The following JMJD1C variants were observed in gnomAD, a reference collection of about 807,000 sequenced individuals.
The protein encoded by JMJD1C is jumonji domain containing 1C.
In JMJD1C, 31 loss-of-function variants were observed where a neutral mutation model predicts 245.3. The observed-to-expected ratio is 0.13, with a 90% CI of 0.09 to 0.17. The LOEUF is 0.17. JMJD1C is among the 10% of genes least tolerant of loss of function. The probability of loss-of-function intolerance (pLI) is 1.00; values close to 1 mark genes in which losing one functional copy is unlikely to be tolerated. For missense variants in JMJD1C, 2,691 were observed against 3,000.2 expected, an observed-to-expected ratio of 0.90 and a Z score of 2.41; for synonymous variants, 1,057 against 1,017.4, an observed-to-expected ratio of 1.04 and a Z score of -0.74.
At chr10:63,427,429 A>C in intron 1 of JMJD1C, 5 of 1,132,110 alleles carry the variant, frequency 4.4e-6, no homozygotes, top group Non-Finnish European at 6.5e-6. Flanking sequence ...CCGGGAGGTG[A>C]CTGCTGACCA....
chr10:63,518,292 T>C (rs1955087539), intron 1 of JMJD1C, among the ~76,000 whole-genome samples: 1 of 152,236 alleles, frequency 6.6e-6, no homozygotes, highest in Admixed American at 6.5e-5. Context: ...AGATTCAATG[T>C]GCCCCTTGCA....
intron 3 of JMJD1C, among the ~76,000 whole-genome samples, chr10:63,253,215 T>C (rs1564687612): frequency 2.0e-5 from 3 of 152,250 alleles, no homozygotes; most frequent in East Asian, 3.9e-4. Context: ...GACAGATATA[T>C]AGACCAAGGG....
intron 2 of JMJD1C, among the ~76,000 whole-genome samples, chr10:63,346,784 T>C (rs2134259433): frequency 1.3e-5 from 2 of 152,338 alleles, no homozygotes; most frequent in Middle Eastern, 3.4e-3. Context: ...TATTGGTCTA[T>C]CTACTTGGCT....
At position 63,209,050 on chromosome 10, in the gene JMJD1C, C is replaced by G. The variant is rs569189225; in HGVS notation, c.2867+13G>C. Reference sequence around the variant, plus strand: ...ACAAGGTATTTATAATTTTTAAGCACTGGTGAACTTACTCCTTATGATGAT... The same window carrying G: ...ACAAGGTATTTATAATTTTTAAGCAGTGGTGAACTTACTCCTTATGATGAT... On this transcript the variant is annotated intron_variant, in intron 9 of 25. Coordinates refer to ENST00000399262, the MANE Select transcript of JMJD1C (RefSeq NM_032776.3). The G allele has an allele frequency of 1.3e-6, 2 of 1,593,952 alleles. No homozygotes were observed. Among genetic ancestry groups the G allele is most frequent in the East Asian group, 2.2e-5 (1 of 44,678 alleles).
In JMJD1C at chr10:63,271,886, C is replaced by T. The variant is rs561648262; in HGVS notation, c.334-7122G>A. 7.9e-5 allele frequency among the ~76,000 whole-genome samples: 12 copies of T among 152,102 alleles called. No individual in the cohort carries two copies. In the South Asian group the frequency reaches 2.5e-3, roughly 32 times the overall value. ...GGTCAAGAGTTTGAGACCAGCCTGG[C>T]CATCATGGCAAACCCCGTTTGTACT... On this transcript the variant is annotated intron_variant, in intron 2 of 25. Coordinates refer to ENST00000399262, the MANE Select transcript of JMJD1C (RefSeq NM_032776.3).
intron 2 of JMJD1C, among the ~76,000 whole-genome samples, chr10:63,296,013 A>ATATATATTT (rs71025149): frequency 3.6e-5 from 3 of 84,278 alleles, no homozygotes; most frequent in African/African-American, 8.3e-5. Context: ...GTATATATAT[A>ATATATATTT]TTTTTTTTTT....
intron 3 of JMJD1C, among the ~76,000 whole-genome samples, chr10:63,225,160 G>A (rs1244873414): frequency 6.6e-6 from 1 of 152,012 alleles, no homozygotes; most frequent in Non-Finnish European, 1.5e-5. Context: ...TTCTTATCTT[G>A]AATAACTAAT....
At chr10:63,279,088 A>G (rs925989815) in intron 2 of JMJD1C, among the ~76,000 whole-genome samples, 1 of 151,624 alleles carries the variant, frequency 6.6e-6, no homozygotes, top group African/African-American at 2.4e-5. Flanking sequence ...CATCTCTACT[A>G]AAAATACAAA....
chr10:63,214,788 A>C lies in JMJD1C; in HGVS notation c.1379T>G (p.Met460Arg), dbSNP rs151186255. The C allele has an allele frequency of 4.3e-6, 7 of 1,613,678 alleles. No homozygotes were observed. The highest frequency in any genetic ancestry group is 5.9e-6 in the Non-Finnish European group (7 of 1,179,798). Residue 460 changes from methionine (M) to arginine (R), a missense_variant, in exon 8 of 26, where the codon ATG (methionine) becomes AGG (arginine). This residue lies in a region of JMJD1C where 1,562 missense variants were observed against 1,490.7 expected (regional missense o/e 1.05). Coordinates refer to ENST00000399262, the MANE Select transcript of JMJD1C (RefSeq NM_032776.3). ...KSVDTQLQED[M>R]IIHSSEQSTV... ...GGACTGTTCTGACGAATGAATAATCATATCTTCTTGAAGCTGAGTGTCAAC... is the reference window on the plus strand; with the variant it reads ...GGACTGTTCTGACGAATGAATAATCCTATCTTCTTGAAGCTGAGTGTCAAC...
intron 22 of JMJD1C, among the ~76,000 whole-genome samples, chr10:63,180,742 A>T (rs1383000669): frequency 6.6e-6 from 1 of 151,206 alleles, no homozygotes; most frequent in Non-Finnish European, 1.5e-5. Context: ...AGCTAGGATT[A>T]CAGGCATACA....
intron 2 of JMJD1C, among the ~76,000 whole-genome samples, chr10:63,328,200 C>T (rs1475472079): frequency 6.6e-6 from 1 of 151,494 alleles, no homozygotes; most frequent in Non-Finnish European, 1.5e-5. Context: ...ATTTGAACCC[C>T]GAAGTTGGAG....
At chr10:63,371,807 A>T (rs1946345112) in intron 2 of JMJD1C, among the ~76,000 whole-genome samples, 1 of 152,194 alleles carries the variant, frequency 6.6e-6, no homozygotes, top group African/African-American at 2.4e-5. Flanking sequence ...TATTATGTAT[A>T]ATTTGATCTC....
chr10:63,454,256 G>GAT (rs1354980705), intron 1 of JMJD1C, among the ~76,000 whole-genome samples: 1 of 102,940 alleles, frequency 9.7e-6, no homozygotes, highest in Non-Finnish European at 2.0e-5. Context: ...AGGAGAAATT[G>GAT]ATTTTTTTTT....
chr10:63,199,467 C>G (rs557178466), intron 11 of JMJD1C, among the ~76,000 whole-genome samples: 15 of 152,224 alleles, frequency 9.9e-5, no homozygotes, highest in Non-Finnish European at 2.2e-4. Context: ...ACTTTTCATA[C>G]CTTTATTATT....
At chr10:63,236,936 AC>A (rs1474225695) in intron 3 of JMJD1C, among the ~76,000 whole-genome samples, 42 of 152,288 alleles carry the variant, frequency 2.8e-4, no homozygotes, top group Admixed American at 2.2e-3. Flanking sequence ...AAACAGAGAG[AC>A]CCTGTCTCTA....
At chr10:63,376,258 C>A (rs968471396) in intron 2 of JMJD1C, among the ~76,000 whole-genome samples, 1 of 152,164 alleles carries the variant, frequency 6.6e-6, no homozygotes, top group Admixed American at 6.5e-5. Context: ...TGGACCCTTA[C>A]ATGATATTCC....
upstream of JMJD1C, among the ~76,000 whole-genome samples, chr10:63,469,662 A>C (rs1044656939): frequency 2.0e-5 from 3 of 152,214 alleles, no homozygotes; most frequent in Non-Finnish European, 4.4e-5. Flanking sequence ...GGAACTATCA[A>C]TAGAATTTCA....
At chr10:63,190,124 C>T (rs1192777377) in intron 17 of JMJD1C, among the ~76,000 whole-genome samples, 2 of 152,098 alleles carry the variant, frequency 1.3e-5, no homozygotes, top group African/African-American at 4.8e-5. Flanking sequence ...TGGTCCCGAA[C>T]CCCTGACCTC....
At chr10:63,238,006 T>TTA (rs1491302574) in intron 3 of JMJD1C, among the ~76,000 whole-genome samples, 9 of 27,618 alleles carry the variant, frequency 3.3e-4, no homozygotes, top group African/African-American at 1.5e-3. Context: ...CCGTCTCTAC[T>TTA]AAAAAAAAAA....
Sources: gnomAD v4.1 joint callset for allele counts (sites outside exome capture counted in the v4.1 genomes callset) on GRCh38, gnomAD v4.1.1 for gene constraint, gnomAD v4.1.1 regional missense constraint, MANE v1.5 for transcripts, NCBI Gene and HGNC (gene_info 2026-07-23, HGNC 2026-07-21) for gene names.